Variants in DLGAP1 observed in about 807,000 individuals in gnomAD.
The protein encoded by DLGAP1 is disks large-associated protein 1.
A neutral mutation model predicts 90.8 loss-of-function variants in DLGAP1; 11 were observed. The ratio of observed to expected loss-of-function variants is 0.12; its 90% CI spans 0.08 to 0.20. The LOEUF is 0.20. DLGAP1 is among the 10% of genes least tolerant of loss of function. The pLI, the probability that DLGAP1 is intolerant of heterozygous loss-of-function variation, is 1.00. For synonymous variants in DLGAP1, 558 were observed against 540.7 expected, an observed-to-expected ratio of 1.03 and a Z score of -0.44; for missense variants, 1,050 against 1,333.8, an observed-to-expected ratio of 0.79 and a Z score of 3.31.
chr18:3,813,763 C>A (rs1398108900), intron 5 of DLGAP1, among the ~76,000 whole-genome samples: 2 of 151,850 alleles, frequency 1.3e-5, no homozygotes, highest in Non-Finnish European at 2.9e-5. Flanking sequence ...AATTTCAATC[C>A]TTTTCAGAAG....
At chr18:4,401,569 T>A (rs1278503669) in intron 1 of DLGAP1, among the ~76,000 whole-genome samples, 1 of 152,182 alleles carries the variant, frequency 6.6e-6, no homozygotes, top group East Asian at 1.9e-4. Context: ...GTCAGCAGCA[T>A]CTGGAGATCT....
chr18:3,849,099 G>T (rs1196894352), intron 4 of DLGAP1, among the ~76,000 whole-genome samples: 1 of 152,148 alleles, frequency 6.6e-6, no homozygotes, highest in East Asian at 1.9e-4. Context: ...CTGGAGGCAT[G>T]ATTCCCTTGG....
chr18:4,028,008 G>GA (rs1184886862), intron 2 of DLGAP1, among the ~76,000 whole-genome samples: 6 of 152,074 alleles, frequency 3.9e-5, no homozygotes, highest in East Asian at 1.9e-4. Context: ...CAACAGAAAA[G>GA]AAAAAACATT....
At chr18:3,984,006 A>G (rs2149036112) in intron 3 of DLGAP1, 1 of 152,318 alleles carries the variant, frequency 6.6e-6, no homozygotes, top group Admixed American at 6.5e-5. Flanking sequence ...GAAGAAGAAA[A>G]AAAGAGGCTC....
intron 9 of DLGAP1, among the ~76,000 whole-genome samples, chr18:3,540,627 T>G (rs987412725): frequency 6.6e-6 from 1 of 152,134 alleles, no homozygotes; most frequent in South Asian, 2.1e-4. Flanking sequence ...GGAACCCTCC[T>G]ACCCTCCATT....
chr18:3,808,582 C>A (rs188570946), intron 5 of DLGAP1, among the ~76,000 whole-genome samples: 9 of 152,274 alleles, frequency 5.9e-5, no homozygotes, highest in African/African-American at 2.2e-4. Flanking sequence ...AAAACAGAGA[C>A]ATTTCATACT....
chr18:4,306,639 A>G (rs2080271609), intron 1 of DLGAP1, among the ~76,000 whole-genome samples: 1 of 152,030 alleles, frequency 6.6e-6, no homozygotes, highest in Non-Finnish European at 1.5e-5. Context: ...ATAACTTACT[A>G]TTACATTTTA....
rs191773983 is a variant in DLGAP1, at chr18:4,108,062, C to A, written c.-159+43118G>T. Among the ~76,000 whole-genome samples, 332 of 152,286 alleles carry A rather than the reference C, an allele frequency of 2.2e-3. 11 individuals are homozygous for A. In the East Asian group the frequency reaches 0.055, roughly 25 times the overall value. On this transcript the variant is annotated intron_variant, in intron 2 of 12. Transcript: ENST00000315677. ...CTATTCCCTCTCTCCTGAAGCAGAT[C>A]ATAGAAACTGACATTCTTCTGTCCC...
chr18:3,625,922 C>T (rs1012877440), intron 7 of DLGAP1, among the ~76,000 whole-genome samples: 14 of 152,182 alleles, frequency 9.2e-5, no homozygotes, highest in Non-Finnish European at 1.8e-4. Flanking sequence ...TTCATGCATG[C>T]CTACATTTAT....
rs147944127 is a variant in DLGAP1, at chr18:3,727,507, T to C, written c.1591+1628A>G. On this transcript the variant is annotated intron_variant, in intron 7 of 12. Transcript: ENST00000315677. This position sits in a 1 kb window ranked among gnomAD's most constrained non-coding sequence, Gnocchi z 4.7. ...TCTGGGCCAGGATCTGCATTTTACA[T>C]ATTTAAGGAGCGATTTCAGCTGGCA... Among the ~76,000 whole-genome samples, 116 of 152,170 alleles carry C rather than the reference T, an allele frequency of 7.6e-4. No homozygotes were observed. The highest frequency in any genetic ancestry group is 1.2e-3 in the Non-Finnish European group (83 of 68,018).
chr18:3,509,206 G>A (rs1222170019), intron 10 of DLGAP1, among the ~76,000 whole-genome samples: 3 of 152,108 alleles, frequency 2.0e-5, no homozygotes, highest in South Asian at 2.1e-4. Flanking sequence ...CACTGGTACC[G>A]TCAGGAAAGA....
intron 1 of DLGAP1, among the ~76,000 whole-genome samples, chr18:4,202,147 A>ACG (rs370506334): frequency 4.6e-5 from 7 of 152,158 alleles, no homozygotes; most frequent in African/African-American, 1.7e-4. Context: ...ACGCACACAC[A>ACG]CACACACCAT....
chr18:4,368,776 T>C (rs2081843940), intron 1 of DLGAP1, among the ~76,000 whole-genome samples: 1 of 15,898 alleles, frequency 6.3e-5, no homozygotes, highest in Non-Finnish European at 2.0e-4. Context: ...CTAAAGGTTT[T>C]AAATAAAGTA....
At chr18:3,908,429 G>T (rs539166718) in intron 3 of DLGAP1, among the ~76,000 whole-genome samples, 1 of 152,240 alleles carries the variant, frequency 6.6e-6, no homozygotes, top group East Asian at 1.9e-4. Context: ...GGCGAGCTGT[G>T]ATTCAAGATC....
chr18:3,705,908 C>T (rs2061417238), intron 7 of DLGAP1, among the ~76,000 whole-genome samples: 1 of 151,612 alleles, frequency 6.6e-6, no homozygotes, highest in Non-Finnish European at 1.5e-5. Flanking sequence ...ATCCTCCCTG[C>T]TTGGCCTCCC....
intron 10 of DLGAP1, among the ~76,000 whole-genome samples, chr18:3,519,991 C>T (rs1308446386): frequency 6.6e-6 from 1 of 152,118 alleles, no homozygotes; most frequent in African/African-American, 2.4e-5. Flanking sequence ...CACATGTTCA[C>T]CTATGTAACA....
rs758755283 is a variant in DLGAP1, at chr18:4,281,273, G to A, written c.-266-129986C>T. 3.9e-5 allele frequency among the ~76,000 whole-genome samples: 6 copies of A among 152,210 alleles called. No individual in the cohort carries two copies. In the East Asian group the frequency reaches 5.8e-4, roughly 15 times the overall value. On this transcript the variant is annotated intron_variant, in intron 1 of 12. Coordinates refer to ENST00000315677, the MANE Select transcript of DLGAP1 (RefSeq NM_004746.4). ...TTCAAGTTTCTTAAAATGTGGGGCC[G>A]GGCGCAGTGGCTCATGCCTGTAATC... is the stretch of plus-strand genomic sequence containing the variant.
chr18:4,449,179 G>A lies in DLGAP1; in HGVS notation c.-267+5827C>T, dbSNP rs2083751130. 2.6e-5 allele frequency among the ~76,000 whole-genome samples: 4 copies of A among 152,186 alleles called. No homozygotes were observed. The South Asian group carries it at 8.3e-4, about 31-fold the overall frequency. The stretch of plus-strand genomic sequence containing the variant: ...AAAGAAGTTTATGCTAAGCCTTAAA[G>A]GGTCAGAATAAAGTAAGACAATTAA... On this transcript the variant is annotated intron_variant, in intron 1 of 12. Transcript: ENST00000315677.
intron 3 of DLGAP1, among the ~76,000 whole-genome samples, chr18:3,906,219 T>A (rs2071903207): frequency 6.6e-6 from 1 of 152,234 alleles, no homozygotes; most frequent in Non-Finnish European, 1.5e-5. Context: ...TATCCAAGGT[T>A]ACTAATTAAC....
Sources: allele counts gnomAD v4.1 joint callset (sites outside exome capture counted in the v4.1 genomes callset), GRCh38; gene constraint gnomAD v4.1.1; non-coding constraint Gnocchi (gnomAD v3.1); transcripts MANE v1.5; gene names NCBI Gene and HGNC (gene_info 2026-07-23, HGNC 2026-07-21).